The following FTO variants were observed in gnomAD, a reference collection of about 807,000 sequenced individuals.
The protein encoded by FTO is alpha-ketoglutarate-dependent dioxygenase FTO.
FTO carries 47 observed loss-of-function variants against 63.9 expected under a neutral mutation model. The ratio of observed to expected loss-of-function variants is 0.74; its 90% CI spans 0.58 to 0.94. The LOEUF (loss-of-function observed/expected upper bound fraction) is 0.94, where lower values mean the gene tolerates loss of function less well. Ranked by LOEUF, FTO falls within the 40% of genes least tolerant of loss-of-function variation. The pLI is 0.00. For missense variants in FTO, 562 were observed against 618.1 expected (o/e 0.91, Z 0.96); for synonymous variants, 207 against 224.4 (o/e 0.92, Z 0.69).
chr16:53,781,374 A>T (rs1025196708), intron 1 of FTO, among the ~76,000 whole-genome samples: 5 of 152,246 alleles, frequency 3.3e-5, no homozygotes, highest in African/African-American at 1.2e-4. Context: ...TAAATGTAAC[A>T]TGACTCATGA....
At chr16:53,799,771 C>G (rs1017414976) in intron 1 of FTO, among the ~76,000 whole-genome samples, 3 of 152,172 alleles carry the variant, frequency 2.0e-5, no homozygotes, top group Non-Finnish European at 4.4e-5. Context: ...CCTAGGCTAA[C>G]CTCTTCTTGA....
intron 8 of FTO, among the ~76,000 whole-genome samples, chr16:53,970,725 G>A (rs1362471286): frequency 6.6e-6 from 1 of 152,112 alleles, no homozygotes; most frequent in Admixed American, 6.6e-5. Context: ...CCTTACAGAG[G>A]TGTGGGCCCA....
chr16:53,873,031 T>C lies in FTO; in HGVS notation c.896-755T>C, dbSNP rs370486255. ...TTCACCACCTACTTCATTCTTGGGT[T>C]GTGAATCCCTACACTTGAGTTCTGT... On this transcript the variant is annotated intron_variant, in intron 4 of 8. Transcript: ENST00000471389. 3.9e-5 allele frequency among the ~76,000 whole-genome samples: 6 copies of C among 152,254 alleles called. 1 individual carries two copies. Among genetic ancestry groups the C allele is most frequent in the African/African-American group, 1.4e-4 (6 of 41,552 alleles).
chr16:53,913,439 CTG>C (rs2081766481), intron 7 of FTO, among the ~76,000 whole-genome samples: 1 of 152,206 alleles, frequency 6.6e-6, no homozygotes, highest in Non-Finnish European at 1.5e-5. Context: ...GAGCATGAAA[CTG>C]TTCCCACTAG....
chr16:53,842,422 A>G (rs1330827440), intron 3 of FTO, among the ~76,000 whole-genome samples: 1 of 152,202 alleles, frequency 6.6e-6, no homozygotes, highest in Non-Finnish European at 1.5e-5. Context: ...ATTAACTTTT[A>G]AAAGTTTTTA....
intron 7 of FTO, among the ~76,000 whole-genome samples, chr16:53,910,805 G>C (rs1022771252): frequency 3.9e-5 from 6 of 152,170 alleles, no homozygotes; most frequent in African/African-American, 1.4e-4. Context: ...CAAAGTGCTG[G>C]GATTACAGGT....
chr16:54,032,324 A>C (rs2084851569), intron 8 of FTO, among the ~76,000 whole-genome samples: 1 of 152,248 alleles, frequency 6.6e-6, no homozygotes, highest in Non-Finnish European at 1.5e-5. Context: ...ACGAGCCAAG[A>C]GTGATTCTCT....
intron 4 of FTO, among the ~76,000 whole-genome samples, chr16:53,846,814 AAAAAAAAAG>A (rs1357627934): frequency 8.2e-6 from 1 of 121,986 alleles, no homozygotes; most frequent in African/African-American, 3.0e-5. Context: ...AAAAAAAAAA[AAAAAAAAAG>A]TAAATAAGTA....
intron 8 of FTO, among the ~76,000 whole-genome samples, chr16:53,980,977 A>G (rs2083528945): frequency 1.3e-5 from 2 of 152,196 alleles, no homozygotes; most frequent in Admixed American, 1.3e-4. Context: ...CCTCAAAGAG[A>G]TAACATGGGT....
chr16:53,920,691 TTG>T (rs2081987536), intron 7 of FTO, among the ~76,000 whole-genome samples: 1 of 152,210 alleles, frequency 6.6e-6, no homozygotes, highest in Non-Finnish European at 1.5e-5. Flanking sequence ...TATACTGTCT[TTG>T]TGCCTCAGTT....
At chr16:53,902,787 A>G (rs1047827657) in intron 7 of FTO, among the ~76,000 whole-genome samples, 3 of 152,186 alleles carry the variant, frequency 2.0e-5, no homozygotes. Flanking sequence ...AAATATACAT[A>G]CAATATCATA....
chr16:53,743,480 A>AC (rs2076574850), intron 1 of FTO, among the ~76,000 whole-genome samples: 1 of 151,122 alleles, frequency 6.6e-6, no homozygotes, highest in Admixed American at 6.6e-5. Context: ...ATGTTTAGGT[A>AC]ACAGATCTAG....
chr16:53,967,184 T>G (rs1426420101), intron 8 of FTO, among the ~76,000 whole-genome samples: 1 of 152,126 alleles, frequency 6.6e-6, no homozygotes, highest in Non-Finnish European at 1.5e-5. Flanking sequence ...CTCTCTTCCA[T>G]CCCCTAGGTT....
intron 3 of FTO, among the ~76,000 whole-genome samples, chr16:53,839,392 AT>A: frequency 6.6e-6 from 1 of 152,282 alleles, no homozygotes; most frequent in South Asian, 2.1e-4. Flanking sequence ...TTACAAGTTG[AT>A]TTCACTGAGA....
chr16:54,015,772 A>T (rs1211052860), intron 8 of FTO, among the ~76,000 whole-genome samples: 1 of 152,156 alleles, frequency 6.6e-6, no homozygotes, highest in African/African-American at 2.4e-5. Context: ...TTTATTATCT[A>T]TCCCTGTTTG....
chr16:53,818,001 G>GA (rs1368463387), intron 2 of FTO, among the ~76,000 whole-genome samples: 5 of 151,890 alleles, frequency 3.3e-5, no homozygotes, highest in African/African-American at 4.8e-5. Context: ...GGGATTAAAT[G>GA]AAAAAAAGCC....
At chr16:53,995,455 C>A (rs1337306668) in intron 8 of FTO, among the ~76,000 whole-genome samples, 2 of 152,192 alleles carry the variant, frequency 1.3e-5, no homozygotes, top group Non-Finnish European at 2.9e-5. Context: ...TAAACCCAGA[C>A]ACCATCGGGA....
At chr16:54,098,980 G>A (rs966656556) in intron 8 of FTO, among the ~76,000 whole-genome samples, 4 of 152,210 alleles carry the variant, frequency 2.6e-5, no homozygotes, top group African/African-American at 9.6e-5. Context: ...TCTGAAGTTT[G>A]AGACTGTCCC....
At chr16:53,921,286 G>A (rs1380121248) in intron 7 of FTO, among the ~76,000 whole-genome samples, 1 of 152,146 alleles carries the variant, frequency 6.6e-6, no homozygotes, top group African/African-American at 2.4e-5. Flanking sequence ...ATATAATCCA[G>A]TGTGCCCGAC....
Sources: allele counts gnomAD v4.1 joint callset (sites outside exome capture counted in the v4.1 genomes callset), GRCh38; gene constraint gnomAD v4.1.1; transcripts MANE v1.5; gene names NCBI Gene and HGNC (gene_info 2026-07-23, HGNC 2026-07-21).